The following HPSE2 variants were observed in gnomAD, a reference collection of about 807,000 sequenced individuals.
HPSE2 encodes the protein heparanase 2 (inactive), also known as inactive heparanase-2.
A neutral mutation model predicts 60.5 loss-of-function variants in HPSE2; 38 were observed. The observed-to-expected ratio is 0.63, with a 90% confidence interval of 0.48 to 0.82. The LOEUF is 0.82. Ranked by LOEUF, HPSE2 falls within the 40% of genes least tolerant of loss-of-function variation. HPSE2 has a pLI of 0.00. For missense variants in HPSE2, 713 were observed against 740.4 expected, an observed-to-expected ratio of 0.96 and a Z score of 0.43; for synonymous variants, 295 against 293.2, an observed-to-expected ratio of 1.01 and a Z score of -0.06.
At chr10:98,506,649 G>A (rs1432372292) in intron 9 of HPSE2, among the ~76,000 whole-genome samples, 1 of 151,966 alleles carries the variant, frequency 6.6e-6, no homozygotes, top group African/African-American at 2.4e-5. Context: ...GTAGAGACAG[G>A]GTCTTGCTAT....
At chr10:98,600,921 A>G (rs370317077) in intron 9 of HPSE2, among the ~76,000 whole-genome samples, 6,231 of 37,464 alleles carry the variant, frequency 0.17, 395 homozygotes, top group South Asian at 0.35. Flanking sequence ...GTATATATAT[A>G]TATATATATA....
chr10:98,872,178 T>C (rs1422325917), intron 3 of HPSE2, among the ~76,000 whole-genome samples: 2 of 152,220 alleles, frequency 1.3e-5, no homozygotes, highest in Middle Eastern at 3.4e-3. Context: ...AGGACCGTTT[T>C]CTGCAGAGGC....
At chr10:98,798,276 C>G (rs1950826359) in intron 3 of HPSE2, among the ~76,000 whole-genome samples, 1 of 152,084 alleles carries the variant, frequency 6.6e-6, no homozygotes, top group African/African-American at 2.4e-5. Context: ...CTGAGACAAA[C>G]TAGGGGTGAA....
At chr10:98,594,711 A>G (rs1945183119) in intron 9 of HPSE2, among the ~76,000 whole-genome samples, 1 of 152,106 alleles carries the variant, frequency 6.6e-6, no homozygotes, top group African/African-American at 2.4e-5. Context: ...CTGTTGATGG[A>G]CACTTAGATT....
chr10:99,067,410 C>T (rs758604899), intron 3 of HPSE2, among the ~76,000 whole-genome samples: 14 of 152,322 alleles, frequency 9.2e-5, no homozygotes, highest in South Asian at 2.1e-4. Context: ...TTCTCCATGA[C>T]GGTTCCACCC....
At chr10:98,845,319 C>T (rs1952009184) in intron 3 of HPSE2, among the ~76,000 whole-genome samples, 1 of 152,200 alleles carries the variant, frequency 6.6e-6, no homozygotes. Flanking sequence ...AAGATGTCTT[C>T]CAATATTAGT....
At chr10:98,726,490 CA>C (rs1445794176) in intron 4 of HPSE2, among the ~76,000 whole-genome samples, 15 of 69,834 alleles carry the variant, frequency 2.1e-4, no homozygotes, top group Non-Finnish European at 2.7e-5. Context: ...TGTTGTGGGG[CA>C]GGGGGAGGGG....
chr10:98,969,314 G>T (rs1417490115), intron 3 of HPSE2, among the ~76,000 whole-genome samples: 2 of 152,144 alleles, frequency 1.3e-5, no homozygotes, highest in Non-Finnish European at 1.5e-5. Context: ...GAACCCAAAA[G>T]GTTTCTATAC....
chr10:98,740,182 T>C (rs1949461863), intron 4 of HPSE2, among the ~76,000 whole-genome samples: 1 of 1,522 alleles, frequency 6.6e-4, no homozygotes. Flanking sequence ...TCTTTTGTCT[T>C]TTTTTTTTTT....
intron 3 of HPSE2, among the ~76,000 whole-genome samples, chr10:98,907,953 G>T (rs139428541): frequency 6.6e-6 from 1 of 152,076 alleles, no homozygotes; most frequent in Non-Finnish European, 1.5e-5. Flanking sequence ...ATAAAAATCA[G>T]TCTATTTTGT....
Position 98,459,902 on chromosome 10 carries a change from A to G in HPSE2, c.1614-163T>C, listed in dbSNP as rs549290125. On this transcript the variant is annotated intron_variant, in intron 11 of 11. Coordinates refer to ENST00000370552, the MANE Select transcript of HPSE2 (RefSeq NM_021828.5). ...ATTCTGACCTAGGTGCTTTACTTTA[A>G]TAACTCATTCAAACATCCCAACAAC... 2.0e-4 allele frequency among the ~76,000 whole-genome samples: 29 copies of G among 147,478 alleles called. No individual in the cohort carries two copies. In the South Asian group the frequency reaches 6.3e-3, roughly 32 times the overall value.
chr10:98,796,933 T>C (rs1409448191), intron 3 of HPSE2, among the ~76,000 whole-genome samples: 4 of 152,202 alleles, frequency 2.6e-5, no homozygotes, highest in African/African-American at 9.6e-5. Flanking sequence ...ACCAAGGTGG[T>C]AGCTCTACGA....
intron 3 of HPSE2, among the ~76,000 whole-genome samples, chr10:99,001,990 T>C (rs189982147): frequency 6.6e-6 from 1 of 151,960 alleles, no homozygotes; most frequent in Non-Finnish European, 1.5e-5. Context: ...AAAGAATATA[T>C]AAGATAATAA....
Position 99,126,874 on chromosome 10 carries a change from T to C in HPSE2, c.610+17364A>G, listed in dbSNP as rs981114783. Among the ~76,000 whole-genome samples the C allele has an allele frequency of 6.6e-6, 1 of 151,998 alleles. No homozygotes were observed. The highest frequency in any genetic ancestry group is 6.6e-5 in the Admixed American group (1 of 15,266). On this transcript the variant is annotated intron_variant, in intron 3 of 11. Transcript: ENST00000370552. The surrounding 1 kb of genome is among the most constrained non-coding windows in gnomAD (Gnocchi z 4.0). The stretch of plus-strand genomic sequence containing the variant: ...CTTGGAGCCTGGGAGCCCCACTTGA[T>C]AGCGAGACCCAGAAGGGCAATAATG...
intron 3 of HPSE2, among the ~76,000 whole-genome samples, chr10:98,814,105 T>C (rs938406653): frequency 6.6e-6 from 1 of 152,210 alleles, no homozygotes; most frequent in African/African-American, 2.4e-5. Flanking sequence ...CCAAAAGGCC[T>C]TGGCCTTTCC....
intron 9 of HPSE2, among the ~76,000 whole-genome samples, chr10:98,545,498 A>T (rs1943637903): frequency 6.6e-6 from 1 of 152,270 alleles, no homozygotes; most frequent in Non-Finnish European, 1.5e-5. Context: ...GGCTGGTTCA[A>T]CACAAGCAAA....
intron 5 of HPSE2, among the ~76,000 whole-genome samples, chr10:98,697,393 G>C (rs1220724550): frequency 6.6e-6 from 1 of 152,160 alleles, no homozygotes; most frequent in Non-Finnish European, 1.5e-5. Flanking sequence ...CAACCAAGTG[G>C]AAGAAAGAAT....
chr10:99,188,080 G>C (rs1211998981), intron 2 of HPSE2, among the ~76,000 whole-genome samples: 1 of 152,158 alleles, frequency 6.6e-6, no homozygotes, highest in African/African-American at 2.4e-5. Flanking sequence ...AGCATCCATG[G>C]ATTTTGATAC....
At chr10:99,046,177 A>C (rs550981051) in intron 3 of HPSE2, among the ~76,000 whole-genome samples, 9 of 152,334 alleles carry the variant, frequency 5.9e-5, no homozygotes, top group African/African-American at 1.9e-4. Context: ...CTGGTTCAAC[A>C]TATGCAAATC....
Sources: allele counts gnomAD v4.1 joint callset (sites outside exome capture counted in the v4.1 genomes callset), GRCh38; gene constraint gnomAD v4.1.1; non-coding constraint Gnocchi (gnomAD v3.1); transcripts MANE v1.5; gene names NCBI Gene and HGNC (gene_info 2026-07-23, HGNC 2026-07-21).